Variants in CSMD1 observed in about 807,000 individuals in gnomAD.
The protein encoded by CSMD1 is CUB and Sushi multiple domains 1, also known as CUB and sushi domain-containing protein 1.
In CSMD1, 213 loss-of-function variants were observed where a neutral mutation model predicts 417.5. The ratio of observed to expected loss-of-function variants is 0.51; its 90% CI spans 0.46 to 0.57. The LOEUF (loss-of-function observed/expected upper bound fraction) is 0.57. Among genes scored for constraint, CSMD1 ranks in the 20% least tolerant of loss-of-function variants. The pLI is 0.00. For missense variants in CSMD1, 6,923 were observed against 4,529.7 expected, an observed-to-expected ratio of 1.53 and a Z score of -15.17; for synonymous variants, 2,862 against 1,736.8, an observed-to-expected ratio of 1.65 and a Z score of -16.11.
rs114602537 is a variant in CSMD1 at position 3,724,382 on chromosome 8, A to G, written c.932-15891T>C. On this transcript the variant is annotated intron_variant, in intron 6 of 69. Transcript: ENST00000635120. ...CAAATATACTTATTTTCATAAATAT[A>G]TATGTTAATTTCTAAAGGAGTATTG... is the stretch of plus-strand genomic sequence containing the variant. Among the ~76,000 whole-genome samples, 682 of 152,262 alleles carry G rather than the reference A, an allele frequency of 4.5e-3. 4 individuals carry two copies. Among genetic ancestry groups the G allele is most frequent in the African/African-American group, 0.015 (633 of 41,548 alleles).
At chr8:3,795,871 TAG>T (rs1244783222) in intron 5 of CSMD1, among the ~76,000 whole-genome samples, 10 of 66,994 alleles carry the variant, frequency 1.5e-4, no homozygotes, top group African/African-American at 4.6e-4. Flanking sequence ...TGTACAGATA[TAG>T]ATATATATCT....
At chr8:3,075,913 T>A (rs997728233) in intron 49 of CSMD1, among the ~76,000 whole-genome samples, 1 of 147,180 alleles carries the variant, frequency 6.8e-6, no homozygotes, top group African/African-American at 2.5e-5. Context: ...TAGCCGGGCG[T>A]GGTGGCGGGC....
At chr8:3,763,574 T>A (rs965326851) in intron 5 of CSMD1, among the ~76,000 whole-genome samples, 1 of 152,178 alleles carries the variant, frequency 6.6e-6, no homozygotes, top group South Asian at 2.1e-4. Flanking sequence ...GCTAGCCCCG[T>A]TTGGTACAGC....
intron 3 of CSMD1, among the ~76,000 whole-genome samples, chr8:4,179,830 C>G (rs1292660054): frequency 6.6e-6 from 1 of 152,132 alleles, no homozygotes; most frequent in Non-Finnish European, 1.5e-5. Flanking sequence ...TGAAAAAATG[C>G]TCATCATCAC....
intron 3 of CSMD1, among the ~76,000 whole-genome samples, chr8:4,138,067 T>G (rs1183998433): frequency 4.1e-3 from 334 of 81,372 alleles, no homozygotes; most frequent in East Asian, 6.4e-3. Flanking sequence ...TTTTTTTTTT[T>G]TTTTTTTTTT....
chr8:4,673,319 A>T (rs1329723021), intron 1 of CSMD1, among the ~76,000 whole-genome samples: 1 of 152,002 alleles, frequency 6.6e-6, no homozygotes, highest in Non-Finnish European at 1.5e-5. Context: ...AGACCCAAAG[A>T]CTCCAGGGCA....
chr8:4,445,711 A>T (rs1297059407), intron 2 of CSMD1, among the ~76,000 whole-genome samples: 2 of 152,152 alleles, frequency 1.3e-5, no homozygotes, highest in African/African-American at 2.4e-5. Flanking sequence ...AGGAATTTCT[A>T]TTTGGGGGCG....
At chr8:3,467,188 C>G (rs566101822) in intron 12 of CSMD1, among the ~76,000 whole-genome samples, 1 of 152,284 alleles carries the variant, frequency 6.6e-6, no homozygotes, top group South Asian at 2.1e-4. Context: ...TTTATTGGGA[C>G]TACTTATGTC....
chr8:4,197,780 G>C lies in CSMD1; in HGVS notation c.416-165681C>G, dbSNP rs553252281. Among the ~76,000 whole-genome samples the C allele has an allele frequency of 3.9e-5, 6 of 152,248 alleles. No individual in the cohort carries two copies. In the South Asian group the frequency reaches 1.2e-3, roughly 32 times the overall value. On this transcript the variant is annotated intron_variant, in intron 3 of 69. Transcript: ENST00000635120. ...TGTAATCCCAGCTACTTGGGAGGCT[G>C]ATATGGGAGGATTGCTTGAACCCAG...
chr8:3,933,760 G>A (rs546822203), intron 5 of CSMD1, among the ~76,000 whole-genome samples: 2 of 152,230 alleles, frequency 1.3e-5, no homozygotes, highest in African/African-American at 4.8e-5. Context: ...GATTTATTTA[G>A]GTTTTATATA....
chr8:4,107,382 T>C (rs1801622461), intron 3 of CSMD1, among the ~76,000 whole-genome samples: 1 of 152,208 alleles, frequency 6.6e-6, no homozygotes, highest in South Asian at 2.1e-4. Context: ...AAGTCCTCTC[T>C]ATACAAAAAT....
chr8:3,181,944 A>G (rs1028995749), intron 36 of CSMD1, among the ~76,000 whole-genome samples: 1 of 152,228 alleles, frequency 6.6e-6, no homozygotes, highest in Non-Finnish European at 1.5e-5. Context: ...GGAATGAATC[A>G]TAATATGGAA....
intron 12 of CSMD1, among the ~76,000 whole-genome samples, chr8:3,448,421 A>AGGGAGGGAGAGAGGG (rs1282556721): frequency 7.5e-6 from 1 of 133,334 alleles, no homozygotes; most frequent in Non-Finnish European, 1.6e-5. Context: ...GAAGGAAGGG[A>AGGGAGGGAGAGAGGG]AGGAAGAAGG....
intron 12 of CSMD1, among the ~76,000 whole-genome samples, chr8:3,437,850 C>G (rs1319337961): frequency 1.3e-5 from 2 of 151,820 alleles, no homozygotes; most frequent in African/African-American, 4.8e-5. Context: ...TGTGTTCAAG[C>G]AATTCTCTTG....
intron 5 of CSMD1, among the ~76,000 whole-genome samples, chr8:3,770,713 C>A (rs1798519687): frequency 6.6e-6 from 1 of 152,102 alleles, no homozygotes; most frequent in Admixed American, 6.5e-5. Flanking sequence ...GTCACTGTAA[C>A]CATGATGGTA....
At chr8:4,436,175 C>T (rs1332356961) in intron 2 of CSMD1, among the ~76,000 whole-genome samples, 3 of 152,244 alleles carry the variant, frequency 2.0e-5, no homozygotes, top group Admixed American at 6.5e-5. Flanking sequence ...ATTTCAGTGT[C>T]TCATCTTACA....
intron 10 of CSMD1, among the ~76,000 whole-genome samples, chr8:3,502,116 G>T (rs1486461113): frequency 6.6e-6 from 1 of 151,996 alleles, no homozygotes; most frequent in Non-Finnish European, 1.5e-5. Context: ...ACAAATCCCA[G>T]CACTTTGGAA....
chr8:3,942,298 T>C (rs1277997570), intron 5 of CSMD1, among the ~76,000 whole-genome samples: 1 of 152,006 alleles, frequency 6.6e-6, no homozygotes, highest in African/African-American at 2.4e-5. Context: ...CTGAAACCAA[T>C]CCCTCCTCTT....
chr8:4,330,355 G>C (rs1455176774), intron 3 of CSMD1, among the ~76,000 whole-genome samples: 1 of 151,782 alleles, frequency 6.6e-6, no homozygotes, highest in African/African-American at 2.4e-5. Flanking sequence ...AGTGCTTTAG[G>C]AGGACTAGTC....
Sources: allele counts gnomAD v4.1 joint callset (sites outside exome capture counted in the v4.1 genomes callset), GRCh38; gene constraint gnomAD v4.1.1; transcripts MANE v1.5; gene names NCBI Gene and HGNC (gene_info 2026-07-23, HGNC 2026-07-21).